CTIF: variants seen among roughly 807,000 people sequenced by gnomAD.
CTIF encodes the protein CBP80/20-dependent translation initiation factor.
A neutral mutation model predicts 66.0 loss-of-function variants in CTIF; 21 were observed. The ratio of observed to expected loss-of-function variants is 0.32; its 90% confidence interval spans 0.23 to 0.46. The LOEUF (loss-of-function observed/expected upper bound fraction) is 0.46. CTIF is among the 20% of genes least tolerant of loss of function. The pLI is 1.00. For missense variants in CTIF, 739 were observed against 812.7 expected (o/e 0.91, Z 1.10); for synonymous variants, 345 against 326.4 (o/e 1.06, Z -0.62).
At chr18:48,796,682 C>G (rs2067927180) in intron 9 of CTIF, among the ~76,000 whole-genome samples, 1 of 152,186 alleles carries the variant, frequency 6.6e-6, no homozygotes. Context: ...CCACAGCCAC[C>G]CAAGGGCAGA....
rs1449780608 is a variant in CTIF at position 48,846,537 on chromosome 18, GGATA to G, written c.1528-11049_1528-11046del. Among the ~76,000 whole-genome samples the G allele has an allele frequency of 3.4e-5, 5 of 149,060 alleles. No homozygotes were observed. In the East Asian group the frequency reaches 7.9e-4, roughly 24 times the overall value. ...TGGATGGATGGATGGATGGATGGAT[GGATA>G]GGTGAATAGACAGATGAATGAAAGG... On this transcript the variant is annotated intron_variant, in intron 10 of 11. Transcript: ENST00000256413.
chr18:48,549,306 T>C (rs1048290888), intron 1 of CTIF, among the ~76,000 whole-genome samples: 7 of 152,178 alleles, frequency 4.6e-5, no homozygotes, highest in East Asian at 1.9e-4. Context: ...TTCTATCTTA[T>C]ATCTCACCAT....
chr18:48,719,521 G>A (rs1399756312), intron 7 of CTIF, among the ~76,000 whole-genome samples: 1 of 152,136 alleles, frequency 6.6e-6, no homozygotes, highest in African/African-American at 2.4e-5. Context: ...ATTACTCATT[G>A]ATTCATATTT....
intron 1 of CTIF, among the ~76,000 whole-genome samples, chr18:48,599,177 T>A (rs1391659061): frequency 6.6e-6 from 1 of 152,142 alleles, no homozygotes; most frequent in Non-Finnish European, 1.5e-5. Flanking sequence ...CAGATGGTTC[T>A]ATTGGCCCAG....
intron 6 of CTIF, among the ~76,000 whole-genome samples, chr18:48,697,323 G>C (rs1236595302): frequency 6.6e-6 from 1 of 152,256 alleles, no homozygotes; most frequent in Non-Finnish European, 1.5e-5. Flanking sequence ...AAGCATTTAA[G>C]TAACTATCTA....
intron 1 of CTIF, among the ~76,000 whole-genome samples, chr18:48,597,986 CT>C (rs756623441): frequency 1.4e-3 from 220 of 152,298 alleles, no homozygotes; most frequent in Non-Finnish European, 1.4e-3. Flanking sequence ...AGGATGGAGC[CT>C]CTATCACCCT....
At chr18:48,603,849 AT>A (rs34207687) in intron 1 of CTIF, among the ~76,000 whole-genome samples, 304 of 138,106 alleles carry the variant, frequency 2.2e-3, no homozygotes, top group East Asian at 4.5e-3. Flanking sequence ...ACTCAGTGAA[AT>A]TTTTTTTTTT....
intron 3 of CTIF, among the ~76,000 whole-genome samples, chr18:48,646,633 G>A (rs1212572608): frequency 6.6e-6 from 1 of 151,812 alleles, no homozygotes; most frequent in Non-Finnish European, 1.5e-5. Context: ...TGTGGTTCCA[G>A]CTGCTCGGAA....
intron 10 of CTIF, among the ~76,000 whole-genome samples, chr18:48,819,650 A>G (rs2068441514): frequency 6.6e-6 from 1 of 152,222 alleles, no homozygotes; most frequent in African/African-American, 2.4e-5. Flanking sequence ...ATGCATTCAA[A>G]TTTTCGGGCC....
At chr18:48,599,885 G>T (rs9966533) in intron 1 of CTIF, among the ~76,000 whole-genome samples, 122 of 152,324 alleles carry the variant, frequency 8.0e-4, no homozygotes, top group African/African-American at 2.9e-3. Context: ...AGGGTGCCGT[G>T]ACCCAGCCTT....
At chr18:48,790,793 C>G (rs1390375365) in intron 9 of CTIF, among the ~76,000 whole-genome samples, 1 of 152,202 alleles carries the variant, frequency 6.6e-6, no homozygotes, top group African/African-American at 2.4e-5. Flanking sequence ...AGTCGCCACC[C>G]TGGAAATCAG....
intron 6 of CTIF, among the ~76,000 whole-genome samples, chr18:48,693,024 T>C (rs1568141848): frequency 6.6e-6 from 1 of 152,370 alleles, no homozygotes; most frequent in East Asian, 1.9e-4. Flanking sequence ...GTTTTGAGCA[T>C]TGATAGATGA....
At chr18:48,749,004 C>T (rs1907529499) in intron 7 of CTIF, among the ~76,000 whole-genome samples, 1 of 152,228 alleles carries the variant, frequency 6.6e-6, no homozygotes, top group Non-Finnish European at 1.5e-5. Flanking sequence ...TCTCCCCAGC[C>T]CTCTTTTATT....
chr18:48,592,499 A>G (rs1449539690), intron 1 of CTIF, among the ~76,000 whole-genome samples: 4 of 145,584 alleles, frequency 2.7e-5, no homozygotes, highest in Non-Finnish European at 6.0e-5. Flanking sequence ...CCCTGTCTCA[A>G]AAAAAAAAAA....
intron 9 of CTIF, among the ~76,000 whole-genome samples, chr18:48,793,768 G>A (rs1211945322): frequency 6.6e-6 from 1 of 152,170 alleles, no homozygotes; most frequent in Non-Finnish European, 1.5e-5. Context: ...GAAAATAGAT[G>A]AGTTCAAAAT....
chr18:48,792,301 G>A (rs976095507), intron 9 of CTIF, among the ~76,000 whole-genome samples: 1 of 152,112 alleles, frequency 6.6e-6, no homozygotes, highest in African/African-American at 2.4e-5. Context: ...TCCAGGTCAG[G>A]GGGGTGGGTG....
intron 1 of CTIF, among the ~76,000 whole-genome samples, chr18:48,602,825 G>A (rs2090115838): frequency 1.3e-5 from 2 of 150,464 alleles, no homozygotes; most frequent in South Asian, 4.2e-4. Flanking sequence ...ATGAATGGGT[G>A]GATGAATGGA....
At chr18:48,795,721 C>A (rs1260987469) in intron 9 of CTIF, among the ~76,000 whole-genome samples, 1 of 152,210 alleles carries the variant, frequency 6.6e-6, no homozygotes, top group Non-Finnish European at 1.5e-5. Context: ...TCTCTGTTGT[C>A]ATCAGCCTGA....
At chr18:48,708,242 C>T (rs2092183383) in intron 6 of CTIF, among the ~76,000 whole-genome samples, 20 of 152,222 alleles carry the variant, frequency 1.3e-4, no homozygotes, top group Admixed American at 1.1e-3. Context: ...GCATGAGCTG[C>T]ACATCTGGTG....
Sources: gnomAD v4.1 joint callset for allele counts (sites outside exome capture counted in the v4.1 genomes callset) on GRCh38, gnomAD v4.1.1 for gene constraint, MANE v1.5 for transcripts, NCBI Gene and HGNC (gene_info 2026-07-23, HGNC 2026-07-21) for gene names.